NAALADL2: variants seen among roughly 807,000 people sequenced by gnomAD.
NAALADL2 encodes N-acetylated alpha-linked acidic dipeptidase like 2.
Under a neutral mutation model 87.2 loss-of-function variants are expected in NAALADL2, and 76 were observed. The ratio of observed to expected loss-of-function variants is 0.87; its 90% confidence interval spans 0.72 to 1.05. The LOEUF is 1.05. Ranked by LOEUF, NAALADL2 falls within the 50% of genes least tolerant of loss-of-function variation. The probability of loss-of-function intolerance (pLI) is 0.00; values close to 1 mark genes in which losing one functional copy is unlikely to be tolerated. For synonymous variants in NAALADL2, 354 were observed against 331.0 expected (o/e 1.07, Z -0.75); for missense variants, 1,089 against 945.8 (o/e 1.15, Z -1.99).
At chr3:174,538,596 C>T (rs777389922) in intron 1 of NAALADL2, among the ~76,000 whole-genome samples, 5 of 152,034 alleles carry the variant, frequency 3.3e-5, no homozygotes, top group South Asian at 2.1e-4. Flanking sequence ...CTTTCCTGAA[C>T]GAGGAGAGAA....
intron 9 of NAALADL2, among the ~76,000 whole-genome samples, chr3:175,490,998 A>C (rs1284396112): frequency 6.6e-6 from 1 of 152,144 alleles, no homozygotes; most frequent in East Asian, 1.9e-4. Context: ...TACTTTGAAC[A>C]ATTGAACACA....
At chr3:175,686,059 A>T (rs1736250470) in intron 11 of NAALADL2, among the ~76,000 whole-genome samples, 1 of 152,142 alleles carries the variant, frequency 6.6e-6, no homozygotes, top group South Asian at 2.1e-4. Flanking sequence ...TAGCTGCTTT[A>T]CCTCCATAAG....
intron 1 of NAALADL2, among the ~76,000 whole-genome samples, chr3:174,480,110 T>A (rs1239300301): frequency 1.3e-5 from 2 of 152,118 alleles, no homozygotes; most frequent in East Asian, 3.9e-4. Flanking sequence ...TAGGGTTTAT[T>A]GTTTCTTCCT....
At chr3:175,438,711 T>C (rs528269271) in intron 5 of NAALADL2, among the ~76,000 whole-genome samples, 77 of 152,096 alleles carry the variant, frequency 5.1e-4, no homozygotes, top group Non-Finnish European at 1.0e-3. Flanking sequence ...TTAGCTATTG[T>C]AATATTTAAT....
chr3:175,440,450 A>G (rs1239399309), intron 5 of NAALADL2, among the ~76,000 whole-genome samples: 2 of 152,082 alleles, frequency 1.3e-5, no homozygotes, highest in Non-Finnish European at 1.5e-5. Context: ...TCGAAATTAC[A>G]TTGAATTTGT....
At chr3:175,438,733 T>A (rs1014097428) in intron 5 of NAALADL2, among the ~76,000 whole-genome samples, 1 of 152,104 alleles carries the variant, frequency 6.6e-6, no homozygotes, top group African/African-American at 2.4e-5. Context: ...ATGGCTGAAA[T>A]AAAGTGTTAT....
At chr3:175,738,926 T>C (rs1744885913) in intron 12 of NAALADL2, among the ~76,000 whole-genome samples, 1 of 152,148 alleles carries the variant, frequency 6.6e-6, no homozygotes, top group South Asian at 2.1e-4. Context: ...TTGCAAATAT[T>C]TTTTTAAACA....
chr3:174,710,352 T>G (rs1265171290), intron 2 of NAALADL2, among the ~76,000 whole-genome samples: 2 of 151,842 alleles, frequency 1.3e-5, no homozygotes, highest in African/African-American at 2.4e-5. Context: ...CCTCCCAGGT[T>G]CATGCCATTC....
chr3:174,663,449 G>A (rs1041671887), intron 2 of NAALADL2, among the ~76,000 whole-genome samples: 6 of 152,128 alleles, frequency 3.9e-5, no homozygotes, highest in Non-Finnish European at 2.9e-5. Flanking sequence ...AGTGCTATCT[G>A]CTTATGGAGA....
At chr3:175,171,746 G>T (rs559645967) in intron 2 of NAALADL2, among the ~76,000 whole-genome samples, 2 of 152,006 alleles carry the variant, frequency 1.3e-5, no homozygotes, top group African/African-American at 2.4e-5. Flanking sequence ...ATATGAAATC[G>T]TGTCATTTAC....
intron 1 of NAALADL2, among the ~76,000 whole-genome samples, chr3:174,863,287 T>C (rs961462412): frequency 3.3e-5 from 5 of 152,114 alleles, no homozygotes; most frequent in South Asian, 4.1e-4. Context: ...CTATTTCTAA[T>C]GGAGAAAGCA....
chr3:175,074,386 A>C (rs1416043950), intron 1 of NAALADL2, among the ~76,000 whole-genome samples: 2 of 152,080 alleles, frequency 1.3e-5, no homozygotes, highest in African/African-American at 4.8e-5. Context: ...CCCAATTTTT[A>C]ATAGCTGGTA....
chr3:174,592,098 A>G (rs538239865), intron 2 of NAALADL2, among the ~76,000 whole-genome samples: 1 of 152,300 alleles, frequency 6.6e-6, no homozygotes, highest in South Asian at 2.1e-4. Flanking sequence ...TTCCCAAGGT[A>G]AACTGACTGA....
chr3:175,707,416 G>A (rs909320295), intron 11 of NAALADL2, among the ~76,000 whole-genome samples: 2 of 152,076 alleles, frequency 1.3e-5, no homozygotes, highest in African/African-American at 2.4e-5. Flanking sequence ...CATACAAAAA[G>A]AAGGAGTGGG....
intron 2 of NAALADL2, among the ~76,000 whole-genome samples, chr3:174,552,584 C>A (rs1486483657): frequency 6.6e-6 from 1 of 151,888 alleles, no homozygotes; most frequent in African/African-American, 2.4e-5. Context: ...TGCCTGAGTG[C>A]AGGAGTTTGA....
intron 11 of NAALADL2, among the ~76,000 whole-genome samples, chr3:175,664,686 T>C (rs922204364): frequency 2.0e-5 from 3 of 152,156 alleles, no homozygotes; most frequent in Non-Finnish European, 2.9e-5. Flanking sequence ...GTTGAAAATA[T>C]ATTGAATTTA....
At chr3:174,988,301 C>T (rs7629946) in intron 1 of NAALADL2, among the ~76,000 whole-genome samples, 2,955 of 152,170 alleles carry the variant, frequency 0.019, 102 homozygotes, top group African/African-American at 0.068. Flanking sequence ...ACCTGTACTT[C>T]ATATACAGTA....
At chr3:174,456,370 A>G (rs921420120) in intron 1 of NAALADL2, among the ~76,000 whole-genome samples, 11 of 137,508 alleles carry the variant, frequency 8.0e-5, no homozygotes, top group Non-Finnish European at 4.6e-5. Flanking sequence ...TAAAATTCCT[A>G]TGGATCCAAA....
chr3:175,307,396 T>G, intron 4 of NAALADL2, among the ~76,000 whole-genome samples: 1 of 152,100 alleles, frequency 6.6e-6, no homozygotes, highest in East Asian at 1.9e-4. Flanking sequence ...ATGTTATGTA[T>G]GGGGCAGTCC....
Sources: gnomAD v4.1 joint callset for allele counts (sites outside exome capture counted in the v4.1 genomes callset) on GRCh38, gnomAD v4.1.1 for gene constraint, MANE v1.5 for transcripts, NCBI Gene and HGNC (gene_info 2026-07-23, HGNC 2026-07-21) for gene names.